Variants in POLK observed in about 807,000 individuals in gnomAD.
POLK encodes polymerase (DNA directed) kappa.
Under a neutral mutation model 94.0 loss-of-function variants are expected in POLK, and 76 were observed. The ratio of observed to expected loss-of-function variants is 0.81; its 90% CI spans 0.67 to 0.98. The LOEUF is 0.98. POLK is among the 50% of genes least tolerant of loss of function. The pLI is 0.00. For missense variants in POLK, 954 were observed against 1,010.1 expected, an observed-to-expected ratio of 0.94 and a Z score of 0.75; for synonymous variants, 349 against 325.4, an observed-to-expected ratio of 1.07 and a Z score of -0.78.
intron 1 of POLK, among the ~76,000 whole-genome samples, chr5:75,514,623 G>T (rs79996311): frequency 6.6e-6 from 1 of 152,114 alleles, no homozygotes; most frequent in Non-Finnish European, 1.5e-5. Context: ...CCAGATCATC[G>T]CTAGTGAATA....
intron 4 of POLK, among the ~76,000 whole-genome samples, chr5:75,572,022 T>C (rs1771625034): frequency 6.6e-6 from 1 of 152,246 alleles, no homozygotes; most frequent in Admixed American, 6.5e-5. Context: ...TTAAGTGCCA[T>C]TTGAAAATCA....
At chr5:75,557,495 T>G (rs1770696742) in intron 3 of POLK, among the ~76,000 whole-genome samples, 1 of 152,170 alleles carries the variant, frequency 6.6e-6, no homozygotes, top group Admixed American at 6.6e-5. Flanking sequence ...GCTCCTTGGT[T>G]TACAATGGAG....
upstream of POLK, chr5:75,511,428 C>T (rs536037292): frequency 2.4e-5 from 37 of 1,541,404 alleles, no homozygotes; most frequent in South Asian, 4.2e-4. Flanking sequence ...AGGAAGCCTA[C>T]CCTTCCAGCC....
the POLK span, chr5:75,609,837 T>G: frequency 1.3e-5 from 2 of 152,224 alleles, no homozygotes; most frequent in Admixed American, 1.3e-4. Context: ...GGAAACATTG[T>G]TTTGAATTTA....
chr5:75,557,908 AC>A (rs1340559669), intron 3 of POLK, among the ~76,000 whole-genome samples: 1 of 152,018 alleles, frequency 6.6e-6, no homozygotes, highest in Non-Finnish European at 1.5e-5. Flanking sequence ...TCCTGCCTCC[AC>A]TTCCTGGTAG....
intron 12 of POLK, among the ~76,000 whole-genome samples, chr5:75,594,852 T>C (rs1772981383): frequency 6.6e-6 from 1 of 152,214 alleles, no homozygotes; most frequent in Non-Finnish European, 1.5e-5. Context: ...TATATGTGGA[T>C]CACCACTCCA....
chr5:75,535,986 C>T (rs541505281), intron 1 of POLK, among the ~76,000 whole-genome samples: 34 of 152,276 alleles, frequency 2.2e-4, no homozygotes, highest in African/African-American at 7.7e-4. Context: ...TGCCTGGGAA[C>T]TAGTGTGGTC....
chr5:75,590,675 A>G (rs1248539122), intron 11 of POLK, among the ~76,000 whole-genome samples: 1 of 152,214 alleles, frequency 6.6e-6, no homozygotes, highest in Non-Finnish European at 1.5e-5. Flanking sequence ...GTGGTTCAGT[A>G]TAATTCAGAG....
intron 7 of POLK, 43 bp from the exon 8 acceptor site, chr5:75,583,250 A>G: frequency 6.9e-7 from 1 of 1,458,448 alleles, no homozygotes; most frequent in Non-Finnish European, 9.2e-7. Flanking sequence ...TAAAAGTCAT[A>G]CATATCAACT....
intron 2 of POLK, among the ~76,000 whole-genome samples, chr5:75,550,406 C>T (rs945105797): frequency 5.9e-5 from 9 of 152,008 alleles, no homozygotes. Context: ...TGGTGAAACC[C>T]CGTCTCTACT....
intron 1 of POLK, among the ~76,000 whole-genome samples, chr5:75,541,618 G>A (rs1400759445): frequency 3.3e-5 from 5 of 149,720 alleles, no homozygotes; most frequent in Non-Finnish European, 6.0e-5. Flanking sequence ...GAGTTTTAGT[G>A]TATATACTCT....
intron 4 of POLK, among the ~76,000 whole-genome samples, chr5:75,569,766 G>A (rs1771489581): frequency 6.6e-6 from 1 of 152,198 alleles, no homozygotes; most frequent in South Asian, 2.1e-4. Context: ...AGCTTCGTCT[G>A]TATTTACAAC....
chr5:75,605,947 G>C (rs1377088656), downstream of POLK, among the ~76,000 whole-genome samples: 1 of 143,442 alleles, frequency 7.0e-6, no homozygotes, highest in South Asian at 2.4e-4. Flanking sequence ...AAGGGGAACC[G>C]GGGAACCAGC....
At position 75,558,022 on chromosome 5, in the gene POLK, C is replaced by G. The variant is rs182135211; in HGVS notation, c.255+5431C>G. Among the ~76,000 whole-genome samples, 120 of 152,246 alleles carry G rather than the reference C, an allele frequency of 7.9e-4. 1 individual carries two copies. Among genetic ancestry groups the G allele is most frequent in the African/African-American group, 2.7e-3 (114 of 41,548 alleles). On this transcript the variant is annotated intron_variant, in intron 3 of 14. Transcript: ENST00000241436. ...CAGGCTGGTCTTGAACTCCTGAGCT[C>G]AAGTGATCCACCTGCCTCGGCCTCC...
intron 10 of POLK, among the ~76,000 whole-genome samples, chr5:75,589,196 T>A (rs1054017442): frequency 8.5e-5 from 13 of 152,052 alleles, no homozygotes; most frequent in African/African-American, 2.9e-4. Flanking sequence ...ATTGGTTAAA[T>A]TACCTTACAT....
intron 1 of POLK, among the ~76,000 whole-genome samples, chr5:75,524,867 G>C (rs2112548926): frequency 6.6e-6 from 1 of 152,314 alleles, no homozygotes; most frequent in Non-Finnish European, 1.5e-5. Context: ...AGAAAAGAGA[G>C]AGCCAGATAA....
At chr5:75,537,406 G>A (rs1769497498) in intron 1 of POLK, among the ~76,000 whole-genome samples, 1 of 152,232 alleles carries the variant, frequency 6.6e-6, no homozygotes, top group Non-Finnish European at 1.5e-5. Context: ...TCCTGGCTCT[G>A]TGCTCAGCCC....
chr5:75,584,924 G>A (rs762011877), exon 9 of POLK: 6 of 1,576,976 alleles, frequency 3.8e-6, no homozygotes, highest in Admixed American at 3.6e-5. Flanking sequence ...CACACCTGAC[G>A]AGGTATCTAT....
At chr5:75,548,403 T>A (rs1285227198) in intron 2 of POLK, among the ~76,000 whole-genome samples, 3 of 151,540 alleles carry the variant, frequency 2.0e-5, no homozygotes, top group Non-Finnish European at 4.4e-5. Context: ...ACATATGGCT[T>A]TCTTCAAGGT....
Sources: gnomAD v4.1 joint callset for allele counts (sites outside exome capture counted in the v4.1 genomes callset) on GRCh38, gnomAD v4.1.1 for gene constraint, MANE v1.5 for transcripts, NCBI Gene and HGNC (gene_info 2026-07-23, HGNC 2026-07-21) for gene names.